The following PCDHA1 variants were observed in gnomAD, a reference collection of about 807,000 sequenced individuals.
The protein encoded by PCDHA1 is protocadherin alpha 1.
Under a neutral mutation model 61.3 loss-of-function variants are expected in PCDHA1, and 42 were observed. That is an observed-to-expected ratio of 0.69 (90% CI 0.54 to 0.89). The LOEUF (loss-of-function observed/expected upper bound fraction) is 0.89. PCDHA1 is among the 40% of genes least tolerant of loss of function. The probability of loss-of-function intolerance (pLI) is 0.00; values close to 1 mark genes in which losing one functional copy is unlikely to be tolerated. For synonymous variants in PCDHA1, 610 were observed against 553.8 expected (o/e 1.10, Z -1.43); for missense variants, 1,256 against 1,235.3 (o/e 1.02, Z -0.25).
At chr5:140,876,577 A>G (rs1554168681) in intron 1 of PCDHA1, 2 of 1,614,182 alleles carry the variant, frequency 1.2e-6, no homozygotes, top group Non-Finnish European at 1.7e-6. Context: ...GGGTACCGTC[A>G]TTGCCCTGAT....
intron 1 of PCDHA1, among the ~76,000 whole-genome samples, chr5:140,826,047 G>A (rs1554130434): frequency 6.6e-6 from 1 of 152,052 alleles, no homozygotes; most frequent in East Asian, 1.9e-4. Context: ...CTGTTGCTTT[G>A]CCTGTTTCTT....
chr5:140,993,460 TCTCA>T (rs200310897), intron 3 of PCDHA1, among the ~76,000 whole-genome samples: 2,027 of 104,544 alleles, frequency 0.019, 23 homozygotes, highest in Admixed American at 0.035. Flanking sequence ...CTTCTTTCTT[TCTCA>T]CACACACACA....
intron 1 of PCDHA1, chr5:140,813,022 C>A (rs1765213710): frequency 6.6e-6 from 1 of 152,056 alleles, no homozygotes; most frequent in African/African-American, 2.4e-5. Flanking sequence ...GGATTTCAAC[C>A]TTCTTGAATT....
chr5:140,869,297 G>T lies in PCDHA1; in HGVS notation c.2394+80613G>T. 3.7e-6 allele frequency: 6 copies of T among 1,613,580 alleles called. No homozygotes were observed. The highest frequency in any genetic ancestry group is 1.1e-5 in the South Asian group (1 of 91,050). On this transcript the variant is annotated intron_variant, in intron 1 of 3. Transcript: ENST00000504120. ...GCGGAGCTGGTGCAGCGCCTGTTCC[G>T]GGTGGCGTCCAAAACACATGGGGAC...
At position 140,845,521 on chromosome 5, in the gene PCDHA1, A is replaced by G. The variant is rs1275261867; in HGVS notation, c.2394+56837A>G. Among the ~76,000 whole-genome samples, 5 of 149,702 alleles carry G rather than the reference A, an allele frequency of 3.3e-5. No homozygotes were observed. In the East Asian group the frequency reaches 9.7e-4, roughly 29 times the overall value. ...GTCTAAACCTATTTCTTGTACATTA[A>G]TACTTTTCACTATTCTAATTATGGT... On this transcript the variant is annotated intron_variant, in intron 1 of 3. Transcript: ENST00000504120.
At chr5:140,828,204 A>G in intron 1 of PCDHA1, 8 of 1,614,086 alleles carry the variant, frequency 5.0e-6, no homozygotes, top group Non-Finnish European at 6.8e-6. Flanking sequence ...GTACCCGAGG[A>G]GGCCAAACAC....
At chr5:140,875,978 C>T (rs534648937) in intron 1 of PCDHA1, 2 of 1,613,976 alleles carry the variant, frequency 1.2e-6, no homozygotes, top group East Asian at 4.5e-5. Flanking sequence ...TCTCTTTTGA[C>T]CTATGCGTTA....
chr5:140,864,378 T>C (rs1269675465), intron 1 of PCDHA1: 1 of 152,252 alleles, frequency 6.6e-6, no homozygotes, highest in Non-Finnish European at 1.5e-5. Context: ...ATCGATAAGT[T>C]TATCTCTCAC....
At chr5:140,797,154 T>G in intron 1 of PCDHA1, 3 of 1,613,844 alleles carry the variant, frequency 1.9e-6, no homozygotes, top group Non-Finnish European at 2.5e-6. Context: ...CCACCGAGGG[T>G]GCGCGCGCGC....
intron 1 of PCDHA1, among the ~76,000 whole-genome samples, chr5:140,943,845 C>A (rs59104695): frequency 3.3e-5 from 5 of 152,226 alleles, no homozygotes; most frequent in Admixed American, 1.3e-4. Flanking sequence ...TGTAAGATGT[C>A]ACAGAAGTCA....
chr5:140,934,704 T>C (rs185443398), intron 1 of PCDHA1, among the ~76,000 whole-genome samples: 134 of 152,288 alleles, frequency 8.8e-4, no homozygotes, highest in Non-Finnish European at 1.6e-3. Context: ...TTCCTGGCCA[T>C]CTTACAAAAA....
chr5:140,791,048 T>G lies in PCDHA1; in HGVS notation c.2394+2364T>G, dbSNP rs146577178. On this transcript the variant is annotated intron_variant, in intron 1 of 3. Transcript: ENST00000504120. ...ATAGTTAACACAACTTTCAACAGGTTTATCTTTCTTCACAAGATTTCATCC... is the reference window on the plus strand; with the variant it reads ...ATAGTTAACACAACTTTCAACAGGTGTATCTTTCTTCACAAGATTTCATCC... Among the ~76,000 whole-genome samples, 201 of 152,336 alleles carry G rather than the reference T, an allele frequency of 1.3e-3. 1 individual carries two copies. Among genetic ancestry groups the G allele is most frequent in the Non-Finnish European group, 2.6e-3 (174 of 68,030 alleles).
intron 1 of PCDHA1, chr5:140,808,220 G>C: frequency 6.2e-7 from 1 of 1,614,204 alleles, no homozygotes; most frequent in Non-Finnish European, 8.5e-7. Context: ...AGACAACAAC[G>C]ATAATGTCCC....
chr5:141,002,059 G>A (rs983772482), intron 3 of PCDHA1, among the ~76,000 whole-genome samples: 1 of 152,242 alleles, frequency 6.6e-6, no homozygotes, highest in Non-Finnish European at 1.5e-5. Flanking sequence ...AGAGGCAGCA[G>A]CAGCCGCCAG....
intron 3 of PCDHA1, among the ~76,000 whole-genome samples, chr5:140,987,224 A>C (rs28567024): frequency 6.6e-6 from 1 of 151,930 alleles, no homozygotes; most frequent in South Asian, 2.1e-4. Context: ...AAAAAAAAAA[A>C]AAATAATAAA....
At chr5:140,817,374 T>G (rs782433149) in intron 1 of PCDHA1, 1 of 152,242 alleles carries the variant, frequency 6.6e-6, no homozygotes, top group South Asian at 2.1e-4. Context: ...GTTTCGGCAC[T>G]TATCACCATG....
intron 1 of PCDHA1, chr5:140,862,620 G>A (rs2047455093): frequency 1.9e-6 from 1 of 528,384 alleles, no homozygotes. Context: ...GTAACAACCC[G>A]CGGGGCTGCC....
At chr5:140,968,124 G>T (rs202202452) in intron 1 of PCDHA1, 1 of 1,614,126 alleles carries the variant, frequency 6.2e-7, no homozygotes, top group Non-Finnish European at 8.5e-7. Flanking sequence ...ACATCCCTGC[G>T]TACACTGAAG....
At chr5:140,828,556 G>A in intron 1 of PCDHA1, 1 of 1,614,252 alleles carries the variant, frequency 6.2e-7, no homozygotes. Context: ...TTCCACTGGA[G>A]GGCGCGTCCG....
Sources: gnomAD v4.1 joint callset for allele counts (sites outside exome capture counted in the v4.1 genomes callset) on GRCh38, gnomAD v4.1.1 for gene constraint, MANE v1.5 for transcripts, NCBI Gene and HGNC (gene_info 2026-07-23, HGNC 2026-07-21) for gene names.